Variants in ZDHHC14 observed in about 807,000 individuals in gnomAD.
The protein encoded by ZDHHC14 is palmitoyltransferase ZDHHC14.
In ZDHHC14, 16 loss-of-function variants were observed where a neutral mutation model predicts 47.7. The observed-to-expected ratio is 0.34, with a 90% CI of 0.23 to 0.51. The LOEUF is 0.51. Ranked by LOEUF, ZDHHC14 falls within the 20% of genes least tolerant of loss-of-function variation. ZDHHC14 has a pLI of 0.97. For synonymous variants in ZDHHC14, 293 were observed against 278.9 expected (o/e 1.05, Z -0.50); for missense variants, 515 against 662.5 (o/e 0.78, Z 2.44).
intron 1 of ZDHHC14, among the ~76,000 whole-genome samples, chr6:157,488,069 C>T (rs568961483): frequency 6.6e-6 from 1 of 152,286 alleles, no homozygotes; most frequent in East Asian, 1.9e-4. Context: ...CCAAGCCATC[C>T]CTCCCAGAGA....
At chr6:157,387,519 A>T (rs1777339372) in intron 1 of ZDHHC14, among the ~76,000 whole-genome samples, 1 of 152,220 alleles carries the variant, frequency 6.6e-6, no homozygotes, top group South Asian at 2.1e-4. Context: ...GCTGTGCCTC[A>T]TAGAACACCA....
chr6:157,409,085 C>T (rs537469454), intron 1 of ZDHHC14, among the ~76,000 whole-genome samples: 6 of 152,356 alleles, frequency 3.9e-5, no homozygotes, highest in African/African-American at 1.2e-4. Flanking sequence ...CTCATTTGCT[C>T]GATCGCTGTC....
intron 1 of ZDHHC14, among the ~76,000 whole-genome samples, chr6:157,494,208 C>T (rs1780001107): frequency 6.6e-6 from 1 of 152,218 alleles, no homozygotes; most frequent in African/African-American, 2.4e-5. Context: ...AATGCTGAGG[C>T]CAGAGCCCCT....
chr6:157,672,773 C>T lies in ZDHHC14; in HGVS notation c.1118C>T (p.Ala373Val). The change falls in exon 9 of 9, where the codon GCA (alanine) becomes GTA (valine). Residue 373 changes from alanine (A) to valine (V), a missense_variant. By Grantham distance (64) the Ala-to-Val change is moderately conservative (BLOSUM62 0). Transcript: ENST00000359775. ...IQSTKFVLQA[A>V]ATPLLQSEPS... ...AGCACCAAATTCGTTTTGCAGGCTGCAGCCACGCCCCTGCTGCAGAGCGAG... is the reference window on the plus strand; with the variant it reads ...AGCACCAAATTCGTTTTGCAGGCTGTAGCCACGCCCCTGCTGCAGAGCGAG... 6.2e-7 allele frequency: 1 copy of T among 1,612,758 alleles called. No individual in the cohort carries two copies. The highest frequency in any genetic ancestry group is 8.5e-7 in the Non-Finnish European group (1 of 1,179,876).
At chr6:157,628,544 C>T in intron 4 of ZDHHC14, 58 bp downstream of exon 4, 1 of 1,571,992 alleles carries the variant, frequency 6.4e-7, no homozygotes, top group African/African-American at 1.4e-5. Context: ...CTTTGATTTT[C>T]CTATTTGATT....
At chr6:157,419,613 C>G (rs1778056336) in intron 1 of ZDHHC14, among the ~76,000 whole-genome samples, 1 of 152,168 alleles carries the variant, frequency 6.6e-6, no homozygotes, top group Admixed American at 6.6e-5. Flanking sequence ...ATCCAAGGTT[C>G]CTTTGTATCT....
intron 1 of ZDHHC14, among the ~76,000 whole-genome samples, chr6:157,390,140 C>T (rs1367986599): frequency 6.6e-6 from 1 of 151,930 alleles, no homozygotes; most frequent in Non-Finnish European, 1.5e-5. Context: ...TCATTTTTGT[C>T]TTCATTTTAA....
In ZDHHC14 at chr6:157,672,831, C is replaced by T. The variant is rs758338315; in HGVS notation, c.1176C>T (p.Pro392=). The T allele has an allele frequency of 3.7e-5, 59 of 1,611,598 alleles. No homozygotes were observed. The highest frequency in any genetic ancestry group is 1.6e-4 in the African/African-American group (12 of 74,868). ...PSLTSDELHL[P]GKPGLGTPCA... ...TCACCAGCGACGAGCTGCACCTGCC[C>T]GGGAAGCCTGGCCTGGGCACGCCCT... Residue 392 remains proline, a synonymous_variant, in exon 9 of 9, where the codon CCC becomes CCT. Transcript: ENST00000359775.
At chr6:157,560,657 A>G (rs533910629) in intron 2 of ZDHHC14, among the ~76,000 whole-genome samples, 11 of 152,228 alleles carry the variant, frequency 7.2e-5, no homozygotes, top group African/African-American at 1.9e-4. Flanking sequence ...TAATTAGAAG[A>G]AAAAAAATCA....
At chr6:157,615,752 C>G (rs149402940) in intron 3 of ZDHHC14, among the ~76,000 whole-genome samples, 1 of 152,152 alleles carries the variant, frequency 6.6e-6, no homozygotes, top group African/African-American at 2.4e-5. Context: ...ACAATAATTA[C>G]AGTCAACATT....
At chr6:157,497,365 G>A (rs1054663320) in intron 1 of ZDHHC14, among the ~76,000 whole-genome samples, 1 of 152,178 alleles carries the variant, frequency 6.6e-6, no homozygotes, top group Admixed American at 6.5e-5. Context: ...GGTGGAATAT[G>A]GCATTCATGG....
At chr6:157,664,217 A>G (rs549895565) in intron 8 of ZDHHC14, among the ~76,000 whole-genome samples, 1 of 152,130 alleles carries the variant, frequency 6.6e-6, no homozygotes, top group Non-Finnish European at 1.5e-5. Flanking sequence ...CTTCATGTTC[A>G]CTGATTCTTC....
chr6:157,430,220 G>A (rs937608308), intron 1 of ZDHHC14, among the ~76,000 whole-genome samples: 1 of 151,024 alleles, frequency 6.6e-6, no homozygotes, highest in Admixed American at 6.6e-5. Context: ...GGAGGCTGAG[G>A]CAGGAGAATT....
chr6:157,474,039 A>G (rs1454174161), intron 1 of ZDHHC14, among the ~76,000 whole-genome samples: 2 of 140,826 alleles, frequency 1.4e-5, no homozygotes, highest in Non-Finnish European at 3.0e-5. Flanking sequence ...CCCAAGCTGG[A>G]GTGCAATGGT....
At chr6:157,464,995 C>G (rs1779173414) in intron 1 of ZDHHC14, among the ~76,000 whole-genome samples, 1 of 152,118 alleles carries the variant, frequency 6.6e-6, no homozygotes, top group Non-Finnish European at 1.5e-5. Context: ...CCTTGAAAGA[C>G]CCAGGCTTGT....
intron 2 of ZDHHC14, among the ~76,000 whole-genome samples, chr6:157,565,079 T>C: frequency 6.6e-6 from 1 of 152,060 alleles, no homozygotes; most frequent in East Asian, 1.9e-4. Flanking sequence ...ACCCCACCTC[T>C]ACTAAAAATA....
rs1583701830 is a variant in ZDHHC14 at position 157,490,942 on chromosome 6, A to G, written c.246-51643A>G. ...CAAGATAAGTATCCCTATTTTGCATATAAGAGAATCAAAGCAGGGAGTGGG... is the reference window on the plus strand; with the variant it reads ...CAAGATAAGTATCCCTATTTTGCATGTAAGAGAATCAAAGCAGGGAGTGGG... On this transcript the variant is annotated intron_variant, in intron 1 of 8. Coordinates refer to ENST00000359775, the MANE Select transcript of ZDHHC14 (RefSeq NM_024630.3). 1.3e-5 allele frequency among the ~76,000 whole-genome samples: 2 copies of G among 152,256 alleles called. 1 individual carries two copies. Among genetic ancestry groups the G allele is most frequent in the Admixed American group, 1.3e-4 (2 of 15,298 alleles).
chr6:157,511,800 A>C (rs1012535024), intron 1 of ZDHHC14, among the ~76,000 whole-genome samples: 2 of 152,152 alleles, frequency 1.3e-5, no homozygotes, highest in African/African-American at 4.8e-5. Context: ...ATTTACAGTT[A>C]TCGTCCATTA....
intron 2 of ZDHHC14, among the ~76,000 whole-genome samples, chr6:157,557,788 G>A (rs1782536196): frequency 3.3e-5 from 5 of 152,186 alleles, no homozygotes; most frequent in African/African-American, 7.2e-5. Context: ...ACTAGCAAAG[G>A]AATGGCGGCC....
Sources: gnomAD v4.1 joint callset for allele counts (sites outside exome capture counted in the v4.1 genomes callset) on GRCh38, gnomAD v4.1.1 for gene constraint, MANE v1.5 for transcripts, NCBI Gene and HGNC (gene_info 2026-07-23, HGNC 2026-07-21) for gene names.